ZNF385B: variants seen among roughly 807,000 people sequenced by gnomAD.
ZNF385B encodes the protein zinc finger protein 385B.
Under a neutral mutation model 39.2 loss-of-function variants are expected in ZNF385B, and 23 were observed. That is an observed-to-expected ratio of 0.59 (90% CI 0.42 to 0.83). The LOEUF is 0.83. Among genes scored for constraint, ZNF385B ranks in the 40% least tolerant of loss-of-function variants. The probability of loss-of-function intolerance (pLI) is 0.00; values close to 1 mark genes in which losing one functional copy is unlikely to be tolerated. For synonymous variants in ZNF385B, 205 were observed against 222.6 expected (o/e 0.92, Z 0.70); for missense variants, 552 against 598.9 (o/e 0.92, Z 0.82).
At chr2:179,486,234 A>G (rs565331894) in intron 5 of ZNF385B, among the ~76,000 whole-genome samples, 2 of 152,316 alleles carry the variant, frequency 1.3e-5, no homozygotes, top group East Asian at 1.9e-4. Flanking sequence ...AATGCATTAC[A>G]TATTTTAGAT....
rs1697868082 is a variant in ZNF385B, at chr2:179,685,692, T to C, written c.298+83811A>G. Reference sequence around the variant, plus strand: ...CCAGCACAGGGCCTGACACAGAAAGTGCTAAAAAAAAAAATAAAAAAAGTC... The same window carrying C: ...CCAGCACAGGGCCTGACACAGAAAGCGCTAAAAAAAAAAATAAAAAAAGTC... On this transcript the variant is annotated intron_variant, in intron 3 of 9. Coordinates refer to ENST00000410066, the MANE Select transcript of ZNF385B (RefSeq NM_152520.6). 9.1e-5 allele frequency among the ~76,000 whole-genome samples: 7 copies of C among 76,744 alleles called. 1 individual carries two copies. Among genetic ancestry groups the C allele is most frequent in the Admixed American group, 3.9e-4 (3 of 7,672 alleles). 50.3% of individuals were successfully genotyped at this position (76,744 alleles called of 152,430 possible).
intron 8 of ZNF385B, 150 bp from the exon 9 acceptor site, chr2:179,445,127 C>G: frequency 1.4e-6 from 1 of 696,764 alleles, no homozygotes; most frequent in Non-Finnish European, 2.5e-6. Context: ...TAAATTAAGA[C>G]TTAGTCCTCC....
intron 3 of ZNF385B, among the ~76,000 whole-genome samples, chr2:179,606,306 C>T (rs150650165): frequency 3.9e-5 from 6 of 152,136 alleles, no homozygotes; most frequent in Non-Finnish European, 8.8e-5. Context: ...ACCAACATCA[C>T]GTGCCGACAT....
At chr2:179,732,518 T>C (rs894245136) in intron 3 of ZNF385B, among the ~76,000 whole-genome samples, 28 of 152,202 alleles carry the variant, frequency 1.8e-4, no homozygotes, top group African/African-American at 6.5e-4. Flanking sequence ...AGATAATCAA[T>C]AGTCAGCTGA....
chr2:179,523,449 G>T (rs1488069133), intron 4 of ZNF385B, among the ~76,000 whole-genome samples: 1 of 149,936 alleles, frequency 6.7e-6, no homozygotes, highest in Non-Finnish European at 1.5e-5. Context: ...ATATGCAGCT[G>T]CAAGTGAAAC....
At position 179,573,205 on chromosome 2, in the gene ZNF385B, T is replaced by G. The variant is rs1187793396; in HGVS notation, c.299-28236A>C. Among the ~76,000 whole-genome samples, 5 of 152,188 alleles carry G rather than the reference T, an allele frequency of 3.3e-5. No homozygotes were observed. In the East Asian group the frequency reaches 9.6e-4, roughly 29 times the overall value. ...AACATATCTTTTCAGACGTTGCATA[T>G]GCATTTCACAGTATATCTCTAGCAG... On this transcript the variant is annotated intron_variant, in intron 3 of 9. Coordinates refer to ENST00000410066, the MANE Select transcript of ZNF385B (RefSeq NM_152520.6).
chr2:179,695,221 A>C (rs1484045403), intron 3 of ZNF385B, among the ~76,000 whole-genome samples: 1 of 152,174 alleles, frequency 6.6e-6, no homozygotes, highest in Non-Finnish European at 1.5e-5. Flanking sequence ...TACTTCATTG[A>C]CTGCACTGCT....
intron 1 of ZNF385B, among the ~76,000 whole-genome samples, chr2:179,858,085 C>T (rs1002360407): frequency 5.9e-5 from 9 of 151,928 alleles, no homozygotes; most frequent in Admixed American, 1.3e-4. Flanking sequence ...AGATGGGAAA[C>T]GAGTCAGGAA....
chr2:179,547,766 G>T (rs1264646012), intron 3 of ZNF385B, among the ~76,000 whole-genome samples: 1 of 149,418 alleles, frequency 6.7e-6, no homozygotes, highest in Non-Finnish European at 1.5e-5. Flanking sequence ...GTTGTCATTG[G>T]TATTTTGATA....
At chr2:179,766,777 T>C (rs1218242108) in intron 3 of ZNF385B, among the ~76,000 whole-genome samples, 1 of 152,202 alleles carries the variant, frequency 6.6e-6, no homozygotes, top group African/African-American at 2.4e-5. Flanking sequence ...CCAATATATT[T>C]TTTTGTGTGT....
At position 179,657,386 on chromosome 2, in the gene ZNF385B, C is replaced by T. The variant is rs918500573; in HGVS notation, c.298+112117G>A. The stretch of plus-strand genomic sequence containing the variant: ...GCCAAGAATAAGTAAGTTTATGTAA[C>T]GTTCCAAAGAAACTGCTCAAAACCG... On this transcript the variant is annotated intron_variant, in intron 3 of 9. Transcript: ENST00000410066. Among the ~76,000 whole-genome samples the T allele has an allele frequency of 2.0e-5, 3 of 152,150 alleles. 1 individual carries two copies. Among genetic ancestry groups the T allele is most frequent in the Admixed American group, 1.3e-4 (2 of 15,274 alleles).
chr2:179,597,102 T>G (rs1157336127), intron 3 of ZNF385B, among the ~76,000 whole-genome samples: 3 of 152,224 alleles, frequency 2.0e-5, no homozygotes, highest in Non-Finnish European at 4.4e-5. Context: ...AATGTCCATA[T>G]TTCTACTAAG....
intron 1 of ZNF385B, among the ~76,000 whole-genome samples, chr2:179,792,156 T>C (rs888136484): frequency 6.6e-6 from 1 of 152,162 alleles, no homozygotes; most frequent in East Asian, 1.9e-4. Flanking sequence ...AAGTGCCTTT[T>C]TCTTTCACCT....
intron 1 of ZNF385B, among the ~76,000 whole-genome samples, chr2:179,774,518 G>A (rs553416384): frequency 1.6e-4 from 25 of 152,140 alleles, no homozygotes; most frequent in African/African-American, 4.6e-4. Context: ...ACACCACCAC[G>A]CCCAGCTAAT....
At chr2:179,770,329 G>A (rs62180392) in intron 2 of ZNF385B, among the ~76,000 whole-genome samples, 192 bp downstream of exon 2, 1 of 152,004 alleles carries the variant, frequency 6.6e-6, no homozygotes, top group African/African-American at 2.4e-5. Context: ...AACTGCACCT[G>A]TTACATAATA....
chr2:179,498,126 A>C (rs2056414698), intron 5 of ZNF385B, among the ~76,000 whole-genome samples: 1 of 152,150 alleles, frequency 6.6e-6, no homozygotes, highest in Non-Finnish European at 1.5e-5. Context: ...TCAACAACCC[A>C]CTTTCAGCAC....
chr2:179,503,115 T>A lies in ZNF385B; in HGVS notation c.552+15413A>T, dbSNP rs893223786. On this transcript the variant is annotated intron_variant, in intron 5 of 9. Coordinates refer to ENST00000410066, the MANE Select transcript of ZNF385B (RefSeq NM_152520.6). ...GTCTGGAACTCCTGGGCTCAAGTGA[T>A]CTGACTGTCTCAGCTTCCCCAAGTG... Among the ~76,000 whole-genome samples the A allele has an allele frequency of 2.6e-5, 4 of 152,302 alleles. No individual in the cohort carries two copies. The South Asian group carries it at 8.3e-4, about 32-fold the overall frequency.
intron 3 of ZNF385B, among the ~76,000 whole-genome samples, chr2:179,720,164 T>C (rs1481254554): frequency 6.6e-6 from 1 of 152,120 alleles, no homozygotes; most frequent in Admixed American, 6.5e-5. Flanking sequence ...GGCTCAATAA[T>C]GCCTTCTCTC....
At chr2:179,768,927 T>G (rs942774343) in intron 3 of ZNF385B, among the ~76,000 whole-genome samples, 2 of 152,234 alleles carry the variant, frequency 1.3e-5, no homozygotes, top group Non-Finnish European at 2.9e-5. Context: ...CGATGGATGA[T>G]GGTGCTGGAT....
Sources: gnomAD v4.1 joint callset for allele counts (sites outside exome capture counted in the v4.1 genomes callset) on GRCh38, gnomAD v4.1.1 for gene constraint, MANE v1.5 for transcripts, NCBI Gene and HGNC (gene_info 2026-07-23, HGNC 2026-07-21) for gene names.